The following EVC2 variants were observed in gnomAD, a reference collection of about 807,000 sequenced individuals.
EVC2 encodes EvC ciliary complex subunit 2.
In EVC2, 148 loss-of-function variants were observed where a neutral mutation model predicts 149.3. The ratio of observed to expected loss-of-function variants is 0.99; its 90% CI spans 0.87 to 1.14. The LOEUF (loss-of-function observed/expected upper bound fraction) is 1.14. Ranked by LOEUF, EVC2 falls within the 50% of genes most tolerant of loss-of-function variation. EVC2 has a pLI of 0.00. For missense variants in EVC2, 1,854 were observed against 1,627.3 expected, an observed-to-expected ratio of 1.14 and a Z score of -2.40; for synonymous variants, 776 against 649.9, an observed-to-expected ratio of 1.19 and a Z score of -2.95.
chr4:5,596,184 C>T lies in EVC2; in HGVS notation c.2830-11334G>A, dbSNP rs149097709. Among the ~76,000 whole-genome samples the T allele has an allele frequency of 4.5e-3, 690 of 152,184 alleles. 5 individuals carry two copies. The highest frequency in any genetic ancestry group is 0.016 in the African/African-American group (646 of 41,532). ...ACAAGACAGAAAGTTAACAAGGATA[C>T]CCAGGAACTGAACTCAGCTCTGCAC... On this transcript the variant is annotated intron_variant, in intron 16 of 21. Coordinates refer to ENST00000344408, the MANE Select transcript of EVC2 (RefSeq NM_147127.5).
At chr4:5,631,642 C>A (rs1386602594) in intron 11 of EVC2, 151 bp downstream of exon 11, 26 of 1,117,516 alleles carry the variant, frequency 2.3e-5, no homozygotes, top group Non-Finnish European at 2.9e-5. Context: ...ATTTTCCCTG[C>A]TTACTGGAAA....
chr4:5,595,163 A>T (rs1200662209), intron 16 of EVC2, among the ~76,000 whole-genome samples: 1 of 152,192 alleles, frequency 6.6e-6, no homozygotes, highest in Non-Finnish European at 1.5e-5. Context: ...TATCCAGGAG[A>T]ACTTCCCCAA....
At chr4:5,620,963 C>A (rs1272689863) in intron 14 of EVC2, among the ~76,000 whole-genome samples, 1 of 152,186 alleles carries the variant, frequency 6.6e-6, no homozygotes, top group Non-Finnish European at 1.5e-5. Context: ...ATTTAAGGAT[C>A]TGATTTTTAT....
chr4:5,537,834 A>G (rs1317211571), downstream of EVC2, among the ~76,000 whole-genome samples: 1 of 152,208 alleles, frequency 6.6e-6, no homozygotes, highest in East Asian at 1.9e-4. Context: ...TATATTTAGA[A>G]AAGAATTCTC....
chr4:5,618,784 T>C lies in EVC2; in HGVS notation c.2502-102A>G. 1 of 1,158,258 alleles carries C rather than the reference T, an allele frequency of 8.6e-7. No homozygotes were observed. The highest frequency in any genetic ancestry group is 1.3e-6 in the Non-Finnish European group (1 of 792,550). The allele number at this position is 1,158,258 out of a possible 1,614,324, so 71.7% of individuals were successfully genotyped here. A position where few individuals can be genotyped will look rare whatever the true frequency, so the allele number is the denominator to read the frequency against. ...GCAAAGCTCATTCCTCATATCCATGTCTGCAGAAAAAGCACTGGCTCCTTA... is the reference window on the plus strand; with the variant it reads ...GCAAAGCTCATTCCTCATATCCATGCCTGCAGAAAAAGCACTGGCTCCTTA... On this transcript the variant is annotated intron_variant, in intron 14 of 21. Coordinates refer to ENST00000344408, the MANE Select transcript of EVC2 (RefSeq NM_147127.5). This position sits in a 1 kb window ranked among gnomAD's most constrained non-coding sequence, Gnocchi z 4.4.
intron 16 of EVC2, among the ~76,000 whole-genome samples, chr4:5,593,403 G>C (rs947350104): frequency 5.9e-5 from 9 of 151,962 alleles, no homozygotes; most frequent in Non-Finnish European, 2.9e-5. Flanking sequence ...CAGTTTCTTT[G>C]TCTTATGCTC....
chr4:5,591,546 C>T (rs545899949), intron 16 of EVC2, among the ~76,000 whole-genome samples: 2 of 151,804 alleles, frequency 1.3e-5, no homozygotes, highest in South Asian at 2.1e-4. Context: ...ATGAGAAGGC[C>T]GTAAGGAAAA....
Position 5,657,014 on chromosome 4 carries a change from G to A in EVC2, c.1145+6093C>T, listed in dbSNP as rs781432112. The stretch of plus-strand genomic sequence containing the variant: ...GTAAGTGGCAGAACTGGGACTCAAC[G>A]CTAGCAGTCAGGCCTGGGTTTTAAC... On this transcript the variant is annotated intron_variant, in intron 9 of 21. Coordinates refer to ENST00000344408, the MANE Select transcript of EVC2 (RefSeq NM_147127.5). The surrounding 1 kb of genome is among the most constrained non-coding windows in gnomAD (Gnocchi z 4.7). 9.2e-5 allele frequency among the ~76,000 whole-genome samples: 14 copies of A among 152,100 alleles called. No individual in the cohort carries two copies. Among genetic ancestry groups the A allele is most frequent in the South Asian group, 2.1e-4 (1 of 4,824 alleles).
rs1478815786 is a variant in EVC2 at position 5,567,944 on chromosome 4, A to G, written c.3557+500T>C. Among the ~76,000 whole-genome samples, 2 of 152,256 alleles carry G rather than the reference A, an allele frequency of 1.3e-5. No individual in the cohort carries two copies. The highest frequency in any genetic ancestry group is 6.5e-5 in the Admixed American group (1 of 15,288). On this transcript the variant is annotated intron_variant, in intron 20 of 21. Transcript: ENST00000344408. The surrounding 1 kb of genome is among the most constrained non-coding windows in gnomAD (Gnocchi z 4.4). ...TTTGCATGAGCGTTAAAAGGTAAGG[A>G]GCAAAATCGCTTCTGCTGTAAGATT... is the stretch of plus-strand genomic sequence containing the variant.
At chr4:5,709,337 T>A (rs1722434498), upstream of EVC2, 1 of 152,188 alleles carries the variant, frequency 6.6e-6, no homozygotes, top group East Asian at 1.9e-4. Context: ...CCTGCCTAGG[T>A]CCTGGGTGAC....
Position 5,692,844 on chromosome 4 carries a change from G to A in EVC2, c.450+1491C>T, listed in dbSNP as rs367921924. Among the ~76,000 whole-genome samples, 594 of 133,756 alleles carry A rather than the reference G, an allele frequency of 4.4e-3. 2 individuals are homozygous for A. The highest frequency in any genetic ancestry group is 0.016 in the African/African-American group (559 of 35,184). 87.7% of individuals were successfully genotyped at this position (133,756 alleles called of 152,430 possible). On this transcript the variant is annotated intron_variant, in intron 3 of 21. Transcript: ENST00000344408. ...ATTGCGCCACTGCAGTCCGCAGTCC[G>A]GCCTGGGCGACAGAGCGAGACTCCG... is the stretch of plus-strand genomic sequence containing the variant.
chr4:5,613,218 T>C lies in EVC2; in HGVS notation c.2829+2204A>G, dbSNP rs147107463. The stretch of plus-strand genomic sequence containing the variant: ...GGGCTGCTCCCCCATCCACTGGCCA[T>C]GACCCAGCACTCCAGTAAGGCAGCC... On this transcript the variant is annotated intron_variant, in intron 16 of 21. Transcript: ENST00000344408. The surrounding 1 kb of genome is among the most constrained non-coding windows in gnomAD (Gnocchi z 4.6). Among the ~76,000 whole-genome samples the C allele has an allele frequency of 9.0e-4, 137 of 152,236 alleles. 4 individuals are homozygous for C. In the East Asian group the frequency reaches 0.024, roughly 26 times the overall value.
At chr4:5,554,896 T>G (rs549108834) in intron 21 of EVC2, among the ~76,000 whole-genome samples, 1 of 152,352 alleles carries the variant, frequency 6.6e-6, no homozygotes, top group African/African-American at 2.4e-5. Flanking sequence ...GGAAATGTAT[T>G]TAATTCAAAT....
Position 5,696,455 on chromosome 4 carries a change from C to A in EVC2, c.283+1138G>T, listed in dbSNP as rs942691639. Reference sequence around the variant, plus strand: ...GAACCCAGACAACCCCACCCAGTGGCCCCAGGGATAGGTTCAGGGACAGGC... The same window carrying A: ...GAACCCAGACAACCCCACCCAGTGGACCCAGGGATAGGTTCAGGGACAGGC... On this transcript the variant is annotated intron_variant, in intron 2 of 21. Transcript: ENST00000344408. This position sits in a 1 kb window ranked among gnomAD's most constrained non-coding sequence, Gnocchi z 4.1. 1.3e-5 allele frequency among the ~76,000 whole-genome samples: 2 copies of A among 152,176 alleles called. No homozygotes were observed. Among genetic ancestry groups the A allele is most frequent in the Admixed American group, 1.3e-4 (2 of 15,276 alleles).
intron 21 of EVC2, among the ~76,000 whole-genome samples, chr4:5,545,020 G>A (rs1024452830): frequency 6.6e-6 from 1 of 152,184 alleles, no homozygotes; most frequent in African/African-American, 2.4e-5. Context: ...GACACAGCCT[G>A]CTGCTCGGCC....
intron 11 of EVC2, among the ~76,000 whole-genome samples, chr4:5,629,494 G>A (rs1370502698): frequency 1.3e-5 from 2 of 152,198 alleles, no homozygotes; most frequent in Non-Finnish European, 2.9e-5. Context: ...ATTAGACCAG[G>A]AACATCAGTA....
chr4:5,615,680 G>T, intron 15 of EVC2, 136 bp from the exon 16 acceptor site: 1 of 1,267,622 alleles, frequency 7.9e-7, no homozygotes, highest in Non-Finnish European at 1.1e-6. Flanking sequence ...GGCCAGAGAG[G>T]GGAGGAGAGA....
In EVC2 at chr4:5,708,502, C is replaced by T; in HGVS notation, c.12G>A (p.Ser4=). MDP[S]GSRGRPTWVL... is the part of the protein sequence containing the mutation. Reference sequence around the variant, plus strand: ...CCCACGTGGGGCGCCCCCGGGAGCCCGAGGGGTCCATCGCCTGTCGGGACC... The same window carrying T: ...CCCACGTGGGGCGCCCCCGGGAGCCTGAGGGGTCCATCGCCTGTCGGGACC... Residue 4 remains serine, a synonymous_variant, in exon 1 of 22, where the codon TCG becomes TCA. Coordinates refer to ENST00000344408, the MANE Select transcript of EVC2 (RefSeq NM_147127.5). 6.8e-7 allele frequency: 1 copy of T among 1,476,860 alleles called. No homozygotes were observed. The highest frequency in any genetic ancestry group is 1.5e-5 in the African/African-American group (1 of 68,124). The allele number at this position is 1,476,860 out of a possible 1,614,324, so 91.5% of individuals were successfully genotyped here.
At chr4:5,645,114 T>G (rs1361857948) in intron 9 of EVC2, among the ~76,000 whole-genome samples, 3 of 152,186 alleles carry the variant, frequency 2.0e-5, no homozygotes, top group African/African-American at 7.2e-5. Context: ...TGGTACTATA[T>G]TCATACTGTG....
Sources: gnomAD v4.1 joint callset for allele counts (sites outside exome capture counted in the v4.1 genomes callset) on GRCh38, gnomAD v4.1.1 for gene constraint, Gnocchi (gnomAD v3.1) non-coding constraint, MANE v1.5 for transcripts, NCBI Gene and HGNC (gene_info 2026-07-23, HGNC 2026-07-21) for gene names.